ZBTB16: variants seen among roughly 807,000 people sequenced by gnomAD.
ZBTB16 encodes zinc finger and BTB domain-containing protein 16.
Under a neutral mutation model 56.8 loss-of-function variants are expected in ZBTB16, and 8 were observed. That is an observed-to-expected ratio of 0.14 (90% CI 0.08 to 0.25). The LOEUF is 0.25. ZBTB16 is among the 10% of genes least tolerant of loss of function. The pLI is 1.00. For synonymous variants in ZBTB16, 363 were observed against 368.5 expected, an observed-to-expected ratio of 0.98 and a Z score of 0.17; for missense variants, 625 against 903.0, an observed-to-expected ratio of 0.69 and a Z score of 3.95.
rs1031017069 is a variant in ZBTB16, at chr11:114,251,701, G to A, written c.*1146G>A. On this transcript the variant is annotated 3_prime_UTR_variant, in exon 7 of 7. Coordinates refer to ENST00000335953, the MANE Select transcript of ZBTB16 (RefSeq NM_006006.6). ...AGAAAAGCCAGGTCCAGAGAGAGTC[G>A]CACAGAATTCCTGACTCACAGCGCC... Among the ~76,000 whole-genome samples the A allele has an allele frequency of 6.6e-6, 1 of 152,166 alleles. No individual in the cohort carries two copies. Among genetic ancestry groups the A allele is most frequent in the African/African-American group, 2.4e-5 (1 of 41,432 alleles).
chr11:114,140,143 T>A (rs1317392335), intron 2 of ZBTB16, among the ~76,000 whole-genome samples: 1 of 152,182 alleles, frequency 6.6e-6, no homozygotes. Flanking sequence ...TGGCTGCCCC[T>A]TTTTCTGGAA....
intron 3 of ZBTB16, among the ~76,000 whole-genome samples, chr11:114,163,037 A>G (rs1236159212): frequency 6.6e-6 from 1 of 152,228 alleles, no homozygotes; most frequent in Non-Finnish European, 1.5e-5. Context: ...TACCCAAAGC[A>G]GAAATTAATG....
chr11:114,223,135 T>TAA (rs1944266001), intron 4 of ZBTB16, among the ~76,000 whole-genome samples: 1 of 152,238 alleles, frequency 6.6e-6, no homozygotes, highest in Non-Finnish European at 1.5e-5. Context: ...ATAGCCGTTC[T>TAA]GCAGGCCTCT....
At chr11:114,244,405 G>A (rs911555162) in intron 5 of ZBTB16, among the ~76,000 whole-genome samples, 8 of 152,110 alleles carry the variant, frequency 5.3e-5, no homozygotes, top group African/African-American at 1.9e-4. Context: ...CAGGCTGGAG[G>A]GGGCTCTAAT....
intron 2 of ZBTB16, among the ~76,000 whole-genome samples, chr11:114,083,414 C>G (rs1939845347): frequency 6.6e-6 from 1 of 152,210 alleles, no homozygotes; most frequent in Non-Finnish European, 1.5e-5. Context: ...TTTGGAGACT[C>G]TGGCTTGAAA....
intron 4 of ZBTB16, among the ~76,000 whole-genome samples, chr11:114,214,823 GGTTTGTTT>G (rs1005388109): frequency 6.6e-6 from 1 of 152,042 alleles, no homozygotes; most frequent in African/African-American, 2.4e-5. Context: ...AGCCTGTGGT[GGTTTGTTT>G]GTTTGTTTGT....
At chr11:114,105,431 G>T (rs1190866619) in intron 2 of ZBTB16, among the ~76,000 whole-genome samples, 1 of 152,026 alleles carries the variant, frequency 6.6e-6, no homozygotes, top group Non-Finnish European at 1.5e-5. Flanking sequence ...ATAGAGACGG[G>T]GTTTCGCCGT....
At chr11:114,185,421 G>A (rs1460042542) in intron 3 of ZBTB16, among the ~76,000 whole-genome samples, 2 of 152,240 alleles carry the variant, frequency 1.3e-5, no homozygotes, top group African/African-American at 2.4e-5. Flanking sequence ...TGCCCAGAGA[G>A]GGCCGGTGAG....
chr11:114,064,597 T>A lies in ZBTB16; in HGVS notation c.1268+29T>A. ...GGCCCCGCTCCAGCCCCGCACCTGA[T>A]GTAGGACTTGAGGCCCTCACACCCC... On this transcript the variant is annotated intron_variant, in intron 2 of 6. Coordinates refer to ENST00000335953, the MANE Select transcript of ZBTB16 (RefSeq NM_006006.6). This position sits in a 1 kb window ranked among gnomAD's most constrained non-coding sequence, Gnocchi z 4.2. 6.2e-7 allele frequency: 1 copy of A among 1,611,696 alleles called. No individual in the cohort carries two copies. The highest frequency in any genetic ancestry group is 8.5e-7 in the Non-Finnish European group (1 of 1,179,776).
At chr11:114,177,867 A>G (rs540308912) in intron 3 of ZBTB16, among the ~76,000 whole-genome samples, 61 of 152,322 alleles carry the variant, frequency 4.0e-4, no homozygotes, top group African/African-American at 1.5e-3. Context: ...GGCACAAGCT[A>G]TTGCACCTGG....
chr11:114,109,170 A>T (rs1030411669), intron 2 of ZBTB16, among the ~76,000 whole-genome samples: 1 of 152,178 alleles, frequency 6.6e-6, no homozygotes, highest in African/African-American at 2.4e-5. Context: ...CTTCTAGTGG[A>T]CTTCACTTTG....
intron 4 of ZBTB16, among the ~76,000 whole-genome samples, chr11:114,225,300 G>A (rs1944307001): frequency 6.6e-6 from 1 of 152,196 alleles, no homozygotes; most frequent in Non-Finnish European, 1.5e-5. Flanking sequence ...TCTTCTTGGT[G>A]ATGAAAGACA....
chr11:114,066,569 T>G (rs1753430495), intron 2 of ZBTB16, among the ~76,000 whole-genome samples: 1 of 152,114 alleles, frequency 6.6e-6, no homozygotes, highest in Admixed American at 6.5e-5. Context: ...TTGCTTTTCT[T>G]TACCCGAGAG....
chr11:114,155,953 G>C (rs546456147), intron 2 of ZBTB16, among the ~76,000 whole-genome samples: 14 of 152,328 alleles, frequency 9.2e-5, no homozygotes, highest in East Asian at 1.9e-4. Context: ...GGGAAAGGCA[G>C]TGCTACACAG....
intron 6 of ZBTB16, among the ~76,000 whole-genome samples, chr11:114,248,541 G>A (rs1021561257): frequency 2.6e-5 from 4 of 152,182 alleles, no homozygotes; most frequent in East Asian, 1.9e-4. Flanking sequence ...GGTGGAAGCT[G>A]GAAAACAAAG....
intron 1 of ZBTB16, chr11:114,061,641 C>G (rs373787378): frequency 1.3e-5 from 2 of 152,310 alleles, no homozygotes; most frequent in African/African-American, 4.8e-5. Context: ...ATATTGGTCG[C>G]TGTAAGACAG....
intron 3 of ZBTB16, among the ~76,000 whole-genome samples, chr11:114,184,953 C>T (rs530185548): frequency 7.9e-5 from 12 of 152,134 alleles, no homozygotes; most frequent in Non-Finnish European, 1.2e-4. Flanking sequence ...GTGGGAGGAT[C>T]GCTTGAGCCC....
At chr11:114,182,142 T>G (rs1013929164) in intron 3 of ZBTB16, among the ~76,000 whole-genome samples, 1 of 152,162 alleles carries the variant, frequency 6.6e-6, no homozygotes, top group Non-Finnish European at 1.5e-5. Flanking sequence ...ACCTCTGCCT[T>G]CCGGGCTCAA....
intron 2 of ZBTB16, among the ~76,000 whole-genome samples, chr11:114,146,050 A>G (rs1464386557): frequency 6.6e-6 from 1 of 152,228 alleles, no homozygotes; most frequent in Non-Finnish European, 1.5e-5. Context: ...GCTGTGGGTC[A>G]GGAGCAGCCT....
Sources: allele counts gnomAD v4.1 joint callset (sites outside exome capture counted in the v4.1 genomes callset), GRCh38; gene constraint gnomAD v4.1.1; non-coding constraint Gnocchi (gnomAD v3.1); transcripts MANE v1.5; gene names NCBI Gene and HGNC (gene_info 2026-07-23, HGNC 2026-07-21).